Variants in STX8 observed in about 807,000 individuals in gnomAD.
STX8 encodes the protein syntaxin 8, also known as syntaxin-8.
Under a neutral mutation model 37.5 loss-of-function variants are expected in STX8, and 23 were observed. The ratio of observed to expected loss-of-function variants is 0.61; its 90% CI spans 0.44 to 0.87. STX8 has a LOEUF of 0.87. Among genes scored for constraint, STX8 ranks in the 40% least tolerant of loss-of-function variants. The pLI, the probability that STX8 is intolerant of heterozygous loss-of-function variation, is 0.00. For missense variants in STX8, 313 were observed against 284.7 expected, an observed-to-expected ratio of 1.10 and a Z score of -0.71; for synonymous variants, 115 against 99.1, an observed-to-expected ratio of 1.16 and a Z score of -0.95.
chr17:9,406,274 GTGT>G (rs1799925410), intron 6 of STX8, among the ~76,000 whole-genome samples: 1 of 152,142 alleles, frequency 6.6e-6, no homozygotes, highest in African/African-American at 2.4e-5. Flanking sequence ...GGGTCCCATG[GTGT>G]TGTTCAGTGT....
chr17:9,328,275 C>T (rs1480060535), intron 7 of STX8, among the ~76,000 whole-genome samples: 1 of 148,902 alleles, frequency 6.7e-6, no homozygotes, highest in African/African-American at 2.6e-5. Flanking sequence ...TTTCTATGGC[C>T]TGCCTTGAAG....
chr17:9,384,848 C>T (rs1021163306), intron 6 of STX8, among the ~76,000 whole-genome samples: 3 of 138,846 alleles, frequency 2.2e-5, no homozygotes, highest in Non-Finnish European at 3.1e-5. Context: ...GCTCAATTCT[C>T]AACAAAGGAA....
At chr17:9,432,744 A>T (rs952076037) in intron 6 of STX8, among the ~76,000 whole-genome samples, 2 of 152,174 alleles carry the variant, frequency 1.3e-5, no homozygotes, top group African/African-American at 2.4e-5. Context: ...TGGCCTATTT[A>T]TTTTGCTAGC....
intron 5 of STX8, among the ~76,000 whole-genome samples, chr17:9,502,577 T>G (rs1036166392): frequency 6.6e-6 from 1 of 152,156 alleles, no homozygotes; most frequent in Non-Finnish European, 1.5e-5. Flanking sequence ...TTAAAAATTG[T>G]TTTAAATTTA....
At chr17:9,257,539 C>T (rs534995096) in intron 7 of STX8, among the ~76,000 whole-genome samples, 140 of 142,140 alleles carry the variant, frequency 9.8e-4, no homozygotes, top group African/African-American at 3.4e-3. Flanking sequence ...GCCACTTCTG[C>T]CCTGTAGCTG....
intron 7 of STX8, among the ~76,000 whole-genome samples, chr17:9,254,909 T>A (rs529984812): frequency 1.3e-5 from 2 of 152,076 alleles, no homozygotes; most frequent in South Asian, 4.2e-4. Flanking sequence ...TTGGAAGGGA[T>A]AAGAAGAGTC....
At chr17:9,402,614 T>C (rs925221097) in intron 6 of STX8, among the ~76,000 whole-genome samples, 1 of 152,154 alleles carries the variant, frequency 6.6e-6, no homozygotes, top group Non-Finnish European at 1.5e-5. Context: ...TTTTATAAAA[T>C]GTATCAAGAG....
intron 4 of STX8, among the ~76,000 whole-genome samples, chr17:9,543,793 G>A (rs1393788440): frequency 6.6e-6 from 1 of 152,106 alleles, no homozygotes; most frequent in Non-Finnish European, 1.5e-5. Context: ...CCAGGAGACT[G>A]CCAACAGAGT....
At chr17:9,532,146 C>G (rs1905844025) in intron 4 of STX8, among the ~76,000 whole-genome samples, 1 of 151,286 alleles carries the variant, frequency 6.6e-6, no homozygotes, top group Admixed American at 6.6e-5. Context: ...AGCTTCCTTT[C>G]CTATCCCATG....
chr17:9,257,447 G>GCTT (rs1222901671), intron 7 of STX8, among the ~76,000 whole-genome samples: 2 of 152,120 alleles, frequency 1.3e-5, no homozygotes, highest in Admixed American at 1.3e-4. Context: ...AGCTCTCAGT[G>GCTT]CTTACTGACA....
At chr17:9,547,627 C>CA (rs11377271) in intron 3 of STX8, among the ~76,000 whole-genome samples, 11,270 of 53,078 alleles carry the variant, frequency 0.21, 1,834 homozygotes, top group East Asian at 0.28. Context: ...GACTCCGTCT[C>CA]AAAAAAAAAA....
At chr17:9,550,903 C>G (rs1426616359) in intron 3 of STX8, among the ~76,000 whole-genome samples, 1 of 152,144 alleles carries the variant, frequency 6.6e-6, no homozygotes, top group African/African-American at 2.4e-5. Flanking sequence ...GGCAAAACCC[C>G]ATCTCTACCA....
chr17:9,271,472 C>G (rs924862292), intron 7 of STX8, among the ~76,000 whole-genome samples: 3 of 151,950 alleles, frequency 2.0e-5, no homozygotes, highest in African/African-American at 4.8e-5. Context: ...AGAAATGCGG[C>G]CGGGCGTGGT....
At position 9,312,479 on chromosome 17, in the gene STX8, G is replaced by A. The variant is rs535771396; in HGVS notation, c.644-61834C>T. On this transcript the variant is annotated intron_variant, in intron 7 of 7. Coordinates refer to ENST00000306357, the MANE Select transcript of STX8 (RefSeq NM_004853.3). The stretch of plus-strand genomic sequence containing the variant: ...GCCTCCCAAAGTGCTGGGATTACAG[G>A]CGTGAGCCACCGCGTCTGGCAAGCA... Among the ~76,000 whole-genome samples, 13 of 152,300 alleles carry A rather than the reference G, an allele frequency of 8.5e-5. No homozygotes were observed. In the East Asian group the frequency reaches 2.5e-3, roughly 29 times the overall value.
rs537200046 is a variant in STX8, at chr17:9,316,991, A to G, written c.643+61561T>C. 6.6e-5 allele frequency among the ~76,000 whole-genome samples: 10 copies of G among 152,346 alleles called. 1 individual carries two copies. The highest frequency in any genetic ancestry group is 2.6e-4 in the Admixed American group (4 of 15,290). On this transcript the variant is annotated intron_variant, in intron 7 of 7. Coordinates refer to ENST00000306357, the MANE Select transcript of STX8 (RefSeq NM_004853.3). ...GGTGAGGAGAGTGGAATAGGAAAAG[A>G]CAGTCGGTTCTTTTTTCCTATCTCA...
At position 9,429,659 on chromosome 17, in the gene STX8, C is replaced by T. The variant is rs192391197; in HGVS notation, c.542-51006G>A. Among the ~76,000 whole-genome samples the T allele has an allele frequency of 8.1e-3, 1,010 of 124,350 alleles. 24 individuals are homozygous for T. Among genetic ancestry groups the T allele is most frequent in the African/African-American group, 0.029 (943 of 32,450 alleles). The allele number at this position is 124,350 out of a possible 152,430, so 81.6% of individuals were successfully genotyped here. ...CGGAGCTTGCAGTGAGCTGAGATCG[C>T]GTCACTGCACTCCAGCCTGGGCGAC... is the stretch of plus-strand genomic sequence containing the variant. On this transcript the variant is annotated intron_variant, in intron 6 of 7. Transcript: ENST00000306357.
At chr17:9,453,528 T>G (rs1401119160) in intron 6 of STX8, among the ~76,000 whole-genome samples, 1 of 147,542 alleles carries the variant, frequency 6.8e-6, no homozygotes, top group Non-Finnish European at 1.5e-5. Flanking sequence ...GGTCTCACTC[T>G]GTTGCCCAGG....
chr17:9,355,123 A>G (rs1343465609), intron 7 of STX8, among the ~76,000 whole-genome samples: 1 of 151,782 alleles, frequency 6.6e-6, no homozygotes, highest in Non-Finnish European at 1.5e-5. Context: ...GTCTTTTTTT[A>G]TTTCATTTCT....
chr17:9,466,001 G>A (rs888305720), intron 6 of STX8, among the ~76,000 whole-genome samples: 2 of 150,952 alleles, frequency 1.3e-5, no homozygotes, highest in African/African-American at 2.4e-5. Context: ...ATGGAGTCTC[G>A]CTCTTGTTGC....
Sources: gnomAD v4.1 joint callset for allele counts (sites outside exome capture counted in the v4.1 genomes callset) on GRCh38, gnomAD v4.1.1 for gene constraint, MANE v1.5 for transcripts, NCBI Gene and HGNC (gene_info 2026-07-23, HGNC 2026-07-21) for gene names.